PAN3: variants seen among roughly 807,000 people sequenced by gnomAD.
PAN3 encodes poly(A) specific ribonuclease subunit PAN3.
Under a neutral mutation model 96.2 loss-of-function variants are expected in PAN3, and 19 were observed. That is an observed-to-expected ratio of 0.20 (90% CI 0.14 to 0.29). The LOEUF (loss-of-function observed/expected upper bound fraction) is 0.29, where lower values mean the gene tolerates loss of function less well. PAN3 is among the 10% of genes least tolerant of loss of function. PAN3 has a pLI of 1.00. For missense variants in PAN3, 882 were observed against 1,108.1 expected, an observed-to-expected ratio of 0.80 and a Z score of 2.90; for synonymous variants, 433 against 406.6, an observed-to-expected ratio of 1.06 and a Z score of -0.78.
chr13:28,201,557 A>G (rs981201709), intron 5 of PAN3, among the ~76,000 whole-genome samples: 1 of 151,338 alleles, frequency 6.6e-6, no homozygotes, highest in Admixed American at 6.6e-5. Context: ...AAATAGTAAT[A>G]ATAATTTTTT....
chr13:28,285,970 G>A, intron 17 of PAN3, among the ~76,000 whole-genome samples: 1 of 151,822 alleles, frequency 6.6e-6, no homozygotes. Flanking sequence ...GCTTTATTTT[G>A]TTTTGTTTTG....
intron 17 of PAN3, among the ~76,000 whole-genome samples, chr13:28,283,907 G>C (rs889246835): frequency 6.6e-6 from 1 of 152,210 alleles, no homozygotes; most frequent in African/African-American, 2.4e-5. Flanking sequence ...CCTGGTAGTA[G>C]TTTATCCTAT....
chr13:28,231,749 A>C (rs1363123366), intron 6 of PAN3, among the ~76,000 whole-genome samples: 1 of 152,152 alleles, frequency 6.6e-6, no homozygotes, highest in East Asian at 1.9e-4. Context: ...AATAAACAAC[A>C]ACCATAGGCA....
chr13:28,158,668 G>A (rs928838568), intron 1 of PAN3, among the ~76,000 whole-genome samples: 1 of 152,152 alleles, frequency 6.6e-6, no homozygotes, highest in African/African-American at 2.4e-5. Context: ...CACGAGGTCA[G>A]GAGATCAAGA....
intron 5 of PAN3, 103 bp downstream of exon 5, chr13:28,197,449 G>C: frequency 4.6e-6 from 5 of 1,095,782 alleles, no homozygotes; most frequent in Non-Finnish European, 6.2e-6. Flanking sequence ...GACTTAGCTG[G>C]TATACTTAGG....
At chr13:28,254,210 AACC>A (rs1467936290) in intron 6 of PAN3, among the ~76,000 whole-genome samples, 1 of 152,214 alleles carries the variant, frequency 6.6e-6, no homozygotes, top group African/African-American at 2.4e-5. Flanking sequence ...GAATTAAATC[AACC>A]TGAGTTTGAG....
chr13:28,173,645 T>C (rs1874587156), intron 1 of PAN3, among the ~76,000 whole-genome samples: 1 of 152,216 alleles, frequency 6.6e-6, no homozygotes. Context: ...CATCTTATTG[T>C]TAAACTAGCA....
intron 1 of PAN3, 99 bp downstream of exon 1, chr13:28,139,186 T>TCC: frequency 8.3e-7 from 1 of 1,205,584 alleles, no homozygotes; most frequent in Non-Finnish European, 1.0e-6. Flanking sequence ...GCCCGCGGGC[T>TCC]CCCCCCCTCA....
chr13:28,174,993 T>C (rs370646586), intron 2 of PAN3, among the ~76,000 whole-genome samples: 3 of 152,332 alleles, frequency 2.0e-5, no homozygotes, highest in Admixed American at 6.5e-5. Flanking sequence ...GCTCTTTTTT[T>C]CCCCTTTATC....
intron 4 of PAN3, among the ~76,000 whole-genome samples, chr13:28,191,778 T>C (rs1261334867): frequency 2.6e-5 from 4 of 152,226 alleles, no homozygotes; most frequent in African/African-American, 7.2e-5. Flanking sequence ...TATTTACTTA[T>C]TTATTTTAAT....
chr13:28,290,198 G>C (rs1206068105), intron 18 of PAN3, among the ~76,000 whole-genome samples: 1 of 152,134 alleles, frequency 6.6e-6, no homozygotes, highest in Non-Finnish European at 1.5e-5. Context: ...ACTGACTCTT[G>C]GTCTAAACTT....
chr13:28,278,105 T>C (rs1887204861), intron 15 of PAN3, among the ~76,000 whole-genome samples: 1 of 152,262 alleles, frequency 6.6e-6, no homozygotes, highest in South Asian at 2.1e-4. Context: ...GAGGTGCTAA[T>C]CAACAGTCTC....
chr13:28,150,242 C>T (rs762806643), intron 1 of PAN3, among the ~76,000 whole-genome samples: 8 of 152,172 alleles, frequency 5.3e-5, no homozygotes, highest in African/African-American at 1.2e-4. Flanking sequence ...AGGGAATCTT[C>T]TGCCTACTCC....
At chr13:28,277,475 A>ACAGCAACTTTATGTTTTAAAGCTTATGTT (rs1887158338) in intron 15 of PAN3, 99 bp downstream of exon 15, 1 of 1,232,672 alleles carries the variant, frequency 8.1e-7, no homozygotes, top group Admixed American at 2.7e-5. Context: ...ACTATTTAAA[A>ACAGCAACTTTATGTTTTAAAGCTTATGTT]TCAAGCAAAA....
At chr13:28,176,419 C>G in intron 2 of PAN3, 74 bp from the exon 3 acceptor site, 1 of 1,317,276 alleles carries the variant, frequency 7.6e-7, no homozygotes, top group Non-Finnish European at 1.1e-6. Flanking sequence ...GCAAAGAGAG[C>G]CAGTCTTAAT....
chr13:28,174,700 A>C (rs944983758), intron 2 of PAN3, among the ~76,000 whole-genome samples: 1 of 152,154 alleles, frequency 6.6e-6, no homozygotes, highest in Non-Finnish European at 1.5e-5. Context: ...TTTTAAAATT[A>C]TGTTTTAAGC....
chr13:28,231,162 T>A (rs965104358), intron 6 of PAN3, among the ~76,000 whole-genome samples: 24 of 152,228 alleles, frequency 1.6e-4, no homozygotes, highest in Admixed American at 6.5e-5. Flanking sequence ...GCTGGTTTTT[T>A]AAAATATGTT....
intron 6 of PAN3, among the ~76,000 whole-genome samples, chr13:28,254,360 T>C (rs1884973638): frequency 6.6e-6 from 1 of 152,214 alleles, no homozygotes; most frequent in African/African-American, 2.4e-5. Context: ...GATTGATGGA[T>C]GTGGAGCACT....
intron 6 of PAN3, among the ~76,000 whole-genome samples, chr13:28,241,328 A>G (rs980297100): frequency 2.0e-5 from 3 of 152,234 alleles, no homozygotes; most frequent in Non-Finnish European, 2.9e-5. Context: ...TGCATATAGT[A>G]TATAGTCATC....
Sources: gnomAD v4.1 joint callset for allele counts (sites outside exome capture counted in the v4.1 genomes callset) on GRCh38, gnomAD v4.1.1 for gene constraint, MANE v1.5 for transcripts, NCBI Gene and HGNC (gene_info 2026-07-23, HGNC 2026-07-21) for gene names.